EI24: variants seen among roughly 807,000 people sequenced by gnomAD.
EI24 encodes the protein EI24 autophagy associated transmembrane protein, also known as etoposide-induced protein 2.4 homolog.
A neutral mutation model predicts 48.6 loss-of-function variants in EI24; 21 were observed. The observed-to-expected ratio is 0.43, with a 90% confidence interval of 0.31 to 0.62. EI24 has a LOEUF of 0.62. EI24 is among the 20% of genes least tolerant of loss of function. EI24 has a pLI of 0.10. For synonymous variants in EI24, 114 were observed against 145.5 expected (o/e 0.78, Z 1.56); for missense variants, 280 against 410.5 (o/e 0.68, Z 2.75).
intron 2 of EI24, chr11:125,573,556 C>A: frequency 2.9e-6 from 1 of 348,056 alleles, no homozygotes; most frequent in Non-Finnish European, 5.9e-6. Flanking sequence ...CAGTAGTGAA[C>A]TATGATGGTA....
At chr11:125,572,603 C>T (rs769605462) in intron 2 of EI24, 34 bp downstream of exon 2, 16 of 1,584,944 alleles carry the variant, frequency 1.0e-5, no homozygotes, top group South Asian at 4.7e-5. Context: ...ATTCATCTCT[C>T]GGCCTTTTTT....
In EI24 at chr11:125,577,552, G is replaced by A. The variant is rs541463043; in HGVS notation, c.298G>A (p.Val100Ile). ...YRVFIPVLQS[V>I]TARIIGDPSL... Reference sequence around the variant, plus strand: ...AGTATTTATTCCTGTGCTTCAGTCGGTAACAGCCCGAATTATCGGTAAGTG... The same window carrying A: ...AGTATTTATTCCTGTGCTTCAGTCGATAACAGCCCGAATTATCGGTAAGTG... The change falls in exon 5 of 11, where the codon GTA becomes ATA. Residue 100 changes from valine (V) to isoleucine (I), a missense_variant. By Grantham distance (29) the Val-to-Ile change is conservative. This residue lies in a region of EI24 where 204 missense variants were observed against 294.1 expected (regional missense o/e 0.69). Transcript: ENST00000278903. 1.2e-6 allele frequency: 2 copies of A among 1,613,780 alleles called. No individual in the cohort carries two copies. The highest frequency in any genetic ancestry group is 1.1e-5 in the South Asian group (1 of 91,062).
intron 7 of EI24, 143 bp from the exon 8 acceptor site, chr11:125,579,949 TC>T (rs1477617021): frequency 1.4e-4 from 97 of 688,790 alleles, no homozygotes; most frequent in Non-Finnish European, 2.4e-4. Context: ...CAGGAATGAG[TC>T]ACTGTGCCCA....
chr11:125,581,229 G>T lies in EI24; in HGVS notation c.692G>T (p.Arg231Leu). 1 of 1,611,110 alleles carries T rather than the reference G, an allele frequency of 6.2e-7. No individual in the cohort carries two copies. The highest frequency in any genetic ancestry group is 8.5e-7 in the Non-Finnish European group (1 of 1,178,162). The change falls in exon 9 of 11, where the codon CGG becomes CTG. Residue 231 changes from arginine (R) to leucine (L), a missense_variant. This residue lies in a region of EI24 where 204 missense variants were observed against 294.1 expected (regional missense o/e 0.69). Coordinates refer to ENST00000278903, the MANE Select transcript of EI24 (RefSeq NM_004879.5). ...GTTTTAGGAATTGAAATGCACCAGC[G>T]GTTGTCTAACATAGAAAGGAATTGG... The part of the protein sequence containing the change: ...WFNKGIEMHQ[R>L]LSNIERNWPY...
Position 125,577,381 on chromosome 11 carries a change from G to A in EI24, c.250-123G>A, listed in dbSNP as rs1307378373. 19 of 923,026 alleles carry A rather than the reference G, an allele frequency of 2.1e-5. No individual in the cohort carries two copies. In the East Asian group the frequency reaches 2.2e-4, roughly 11 times the overall value. 57.2% of individuals were successfully genotyped at this position (923,026 alleles called of 1,614,324 possible). ...TGAACCACCGCGCATGAGCCACCGC[G>A]CCCGGCCTAGGCCTCCTGATTTATA... On this transcript the variant is annotated intron_variant, in intron 4 of 10. Coordinates refer to ENST00000278903, the MANE Select transcript of EI24 (RefSeq NM_004879.5).
At chr11:125,575,799 T>TTTG in intron 3 of EI24, 1 of 314,312 alleles carries the variant, frequency 3.2e-6, no homozygotes, top group South Asian at 2.5e-5. Flanking sequence ...TTTTTTTTTT[T>TTTG]GAGACGGATT....
chr11:125,576,309 G>A lies in EI24; in HGVS notation c.243G>A (p.Val81=). The change falls in exon 4 of 11, where the codon GTG becomes GTA. Residue 81 remains valine (V), a synonymous_variant. Coordinates refer to ENST00000278903, the MANE Select transcript of EI24 (RefSeq NM_004879.5). ...IFQCCAWNGG[V]FWFSLLLFYR... ...AGTGTTGTGCTTGGAATGGTGGAGT[G>A]TTCTGGGTAAGTTCTTTAAATTCCA... 2 of 1,613,784 alleles carry A rather than the reference G, an allele frequency of 1.2e-6. No individual in the cohort carries two copies. The highest frequency in any genetic ancestry group is 1.7e-5 in the Admixed American group (1 of 60,004).
At chr11:125,580,578 G>T (rs1938951418) in intron 8 of EI24, among the ~76,000 whole-genome samples, 1 of 151,968 alleles carries the variant, frequency 6.6e-6, no homozygotes, top group Non-Finnish European at 1.5e-5. Context: ...GTTGAAAGAG[G>T]TTAACTGATA....
At chr11:125,575,018 G>A (rs1004234029) in intron 2 of EI24, among the ~76,000 whole-genome samples, 1 of 152,040 alleles carries the variant, frequency 6.6e-6, no homozygotes, top group Non-Finnish European at 1.5e-5. Context: ...TTGAGGACAG[G>A]AGTATGAAAC....
In EI24 at chr11:125,583,504, G is replaced by C; in HGVS notation, c.861-17G>C. On this transcript the variant is annotated splice_polypyrimidine_tract_variant and intron_variant, in intron 10 of 10. Coordinates refer to ENST00000278903, the MANE Select transcript of EI24 (RefSeq NM_004879.5). ...GAGTAACTGGGGAGCTAACAAGTTGGGTTTCTTGCCTTTTAGTCTCTTCCA... is the reference window on the plus strand; with the variant it reads ...GAGTAACTGGGGAGCTAACAAGTTGCGTTTCTTGCCTTTTAGTCTCTTCCA... 1 of 1,542,990 alleles carries C rather than the reference G, an allele frequency of 6.5e-7. No individual in the cohort carries two copies. The highest frequency in any genetic ancestry group is 2.3e-5 in the East Asian group (1 of 43,298).
intron 6 of EI24, 45 bp from the exon 7 acceptor site, chr11:125,578,904 T>C: frequency 1.9e-6 from 3 of 1,548,226 alleles, no homozygotes; most frequent in Non-Finnish European, 2.6e-6. Flanking sequence ...GGGATGTATA[T>C]CAAGGCCATT....
Position 125,583,934 on chromosome 11 carries a change from T to G in EI24, c.*251T>G. The stretch of plus-strand genomic sequence containing the variant: ...ACCACAGGTTTTTCTGCAGCTATTT[T>G]CTAGCATTTGCCAGTCCCTGTGCCT... On this transcript the variant is annotated 3_prime_UTR_variant, in exon 11 of 11. Transcript: ENST00000278903. 1 of 515,572 alleles carries G rather than the reference T, an allele frequency of 1.9e-6. No individual in the cohort carries two copies. Among genetic ancestry groups the G allele is most frequent in the South Asian group, 2.1e-5 (1 of 48,332 alleles). The allele number at this position is 515,572 out of a possible 1,614,324, so 31.9% of individuals were successfully genotyped here.
intron 1 of EI24, among the ~76,000 whole-genome samples, chr11:125,571,377 T>C (rs909083107): frequency 6.6e-6 from 1 of 152,214 alleles, no homozygotes; most frequent in South Asian, 2.1e-4. Flanking sequence ...GAGAGAATAG[T>C]ATATTAATTA....
At position 125,583,798 on chromosome 11, in the gene EI24, G is replaced by A. The variant is rs1394920582; in HGVS notation, c.*115G>A. 1 of 1,406,060 alleles carries A rather than the reference G, an allele frequency of 7.1e-7. No individual in the cohort carries two copies. The highest frequency in any genetic ancestry group is 9.7e-7 in the Non-Finnish European group (1 of 1,027,542). The allele number at this position is 1,406,060 out of a possible 1,614,324, so 87.1% of individuals were successfully genotyped here. A position where few individuals can be genotyped will look rare whatever the true frequency, so the allele number is the denominator to read the frequency against. ...GGACCCGCTCTGCCAAGGGCCCTCT[G>A]CGTATTCCCTTCTCTCTGAGGAATT... On this transcript the variant is annotated 3_prime_UTR_variant, in exon 11 of 11. Coordinates refer to ENST00000278903, the MANE Select transcript of EI24 (RefSeq NM_004879.5).
At chr11:125,572,422 A>G in intron 1 of EI24, 36 bp from the exon 2 acceptor site, 1 of 1,019,400 alleles carries the variant, frequency 9.8e-7, no homozygotes, top group Admixed American at 2.1e-5. Context: ...TCTTTAAAAT[A>G]AATATTTGCC....
At position 125,584,246 on chromosome 11, in the gene EI24, A is replaced by T. The variant is rs866188070; in HGVS notation, c.*563A>T. On this transcript the variant is annotated 3_prime_UTR_variant, in exon 11 of 11. Coordinates refer to ENST00000278903, the MANE Select transcript of EI24 (RefSeq NM_004879.5). Reference sequence around the variant, plus strand: ...CTCCACTGCAAAAAAAAAAAAAAAAAAAAAAAAAAAAAAAAAGCCTGAAGA... The same window carrying T: ...CTCCACTGCAAAAAAAAAAAAAAAATAAAAAAAAAAAAAAAAGCCTGAAGA... 1.2e-3 allele frequency: 183 copies of T among 148,920 alleles called. 3 individuals carry two copies. Among genetic ancestry groups the T allele is most frequent in the African/African-American group, 4.6e-3 (180 of 39,438 alleles). 9.2% of individuals were successfully genotyped at this position (148,920 alleles called of 1,614,324 possible).
chr11:125,583,352 T>C (rs965078680), intron 10 of EI24, among the ~76,000 whole-genome samples, 169 bp from the exon 11 acceptor site: 1 of 152,234 alleles, frequency 6.6e-6, no homozygotes, highest in African/African-American at 2.4e-5. Context: ...CTCCAATGTA[T>C]TCTTTAGTTG....
Position 125,572,569 on chromosome 11 carries a change from A to G in EI24, c.42A>G (p.Arg14=), listed in dbSNP as rs757881648. The change falls in exon 2 of 11, where the codon AGA becomes AGG. Residue 14 remains arginine (R), a splice_region_variant and synonymous_variant. Transcript: ENST00000278903. ...SVKTFLQDLA[R]GIKDSIWGIC... ...AAACCTTTCTCCAGGACCTTGCCAG[A>G]GTGAGTACATCTTGTTTATAGGAAT... 6.2e-6 allele frequency: 10 copies of G among 1,612,090 alleles called. No homozygotes were observed. In the Admixed American group the frequency reaches 1.7e-4, roughly 27 times the overall value.
chr11:125,582,226 G>T, intron 9 of EI24, 120 bp from the exon 10 acceptor site: 1 of 899,366 alleles, frequency 1.1e-6, no homozygotes. Flanking sequence ...AAATATTGAG[G>T]TTTCATCAAG....
Sources: gnomAD v4.1 joint callset for allele counts (sites outside exome capture counted in the v4.1 genomes callset) on GRCh38, gnomAD v4.1.1 for gene constraint, gnomAD v4.1.1 regional missense constraint, MANE v1.5 for transcripts, NCBI Gene and HGNC (gene_info 2026-07-23, HGNC 2026-07-21) for gene names.